Variants in CELF2 observed in about 807,000 individuals in gnomAD.
CELF2 encodes the protein CUG triplet repeat RNA-binding protein 2.
CELF2 carries 8 observed loss-of-function variants against 62.6 expected under a neutral mutation model. That is an observed-to-expected ratio of 0.13 (90% CI 0.07 to 0.23). CELF2 has a LOEUF of 0.23. CELF2 is among the 10% of genes least tolerant of loss of function. CELF2 has a pLI of 1.00. For synonymous variants in CELF2, 258 were observed against 250.0 expected, an observed-to-expected ratio of 1.03 and a Z score of -0.30; for missense variants, 333 against 671.0, an observed-to-expected ratio of 0.50 and a Z score of 5.56.
chr10:10,934,912 GA>G lies in CELF2; in HGVS notation c.89+14919del, dbSNP rs1204570305. On this transcript the variant is annotated intron_variant, in intron 2 of 13. Transcript: ENST00000636488. The surrounding 1 kb of genome is among the most constrained non-coding windows in gnomAD (Gnocchi z 4.4). ...TGCAAATTTGATAGAGATTCCTTAA[GA>G]AAAAATAATGTTACTGCAGAGATAA... is the stretch of plus-strand genomic sequence containing the variant. 6.6e-6 allele frequency: 1 copy of G among 152,124 alleles called. No homozygotes were observed. The allele number at this position is 152,124 out of a possible 1,614,324, so 9.4% of individuals were successfully genotyped here.
chr10:11,122,607 C>T (rs1335951034), intron 1 of CELF2, among the ~76,000 whole-genome samples: 3 of 152,172 alleles, frequency 2.0e-5, no homozygotes, highest in South Asian at 2.1e-4. Context: ...ACTTGATAAA[C>T]GGTTATTAGG....
the CELF2 span, among the ~76,000 whole-genome samples, chr10:10,732,014 C>T: frequency 6.6e-6 from 1 of 152,124 alleles, no homozygotes; most frequent in Admixed American, 6.5e-5. Flanking sequence ...TAGCAGACCA[C>T]CAGATGGTTA....
chr10:10,875,985 G>A (rs1394447316), intron 1 of CELF2, among the ~76,000 whole-genome samples: 2 of 152,178 alleles, frequency 1.3e-5, no homozygotes, highest in African/African-American at 4.8e-5. Flanking sequence ...TACCTACAGG[G>A]ATTGTAAGTA....
the CELF2 span, among the ~76,000 whole-genome samples, chr10:10,580,310 G>A: frequency 1.3e-5 from 2 of 152,148 alleles, no homozygotes; most frequent in Non-Finnish European, 2.9e-5. Context: ...CACTTTGCAA[G>A]AGAGAGTTTA....
In CELF2 at chr10:10,799,594, TACCCCC is replaced by T. The variant is rs1037957196; in HGVS notation, c.53+791_53+796del. The stretch of plus-strand genomic sequence containing the variant: ...TGGTTTCCTCCTCTGACCTCTCCCC[TACCCCC>T]ACCCCCACCCCCAGGCCTCAGCTTA... On this transcript the variant is annotated intron_variant, in intron 1 of 13. Coordinates refer to the CELF2 transcript ENST00000636488. 2.5e-5 allele frequency among the ~76,000 whole-genome samples: 3 copies of T among 122,250 alleles called. No individual in the cohort carries two copies. The Admixed American group carries it at 2.5e-4, about 10-fold the overall frequency. The allele number at this position is 122,250 out of a possible 152,430, so 80.2% of individuals were successfully genotyped here. A position where few individuals can be genotyped will look rare whatever the true frequency, so the allele number is the denominator to read the frequency against.
At chr10:10,463,588 C>G in the CELF2 span, among the ~76,000 whole-genome samples, 1 of 152,204 alleles carries the variant, frequency 6.6e-6, no homozygotes. Flanking sequence ...ATAGACATCT[C>G]TTTTTTTGTA....
the CELF2 span, among the ~76,000 whole-genome samples, chr10:10,611,253 G>A: frequency 6.6e-6 from 1 of 152,122 alleles, no homozygotes; most frequent in East Asian, 1.9e-4. Flanking sequence ...GCTCCTCTAA[G>A]AGCCAACCTA....
intron 1 of CELF2, among the ~76,000 whole-genome samples, chr10:11,078,393 A>G (rs926081813): frequency 1.3e-5 from 2 of 152,222 alleles, no homozygotes; most frequent in Non-Finnish European, 2.9e-5. Context: ...CTGCTTTTCC[A>G]GAGCTGAACG....
chr10:10,598,680 A>G, the CELF2 span, among the ~76,000 whole-genome samples: 1 of 151,846 alleles, frequency 6.6e-6, no homozygotes, highest in African/African-American at 2.4e-5. Context: ...GACCTACTGA[A>G]CAATTATGGG....
chr10:10,768,088 C>A, the CELF2 span, among the ~76,000 whole-genome samples: 113 of 146,718 alleles, frequency 7.7e-4, no homozygotes, highest in Non-Finnish European at 1.4e-3. Context: ...ATGGCGTGAA[C>A]CCGGGAGGCG....
At chr10:11,139,665 A>G (rs114551122) in intron 1 of CELF2, among the ~76,000 whole-genome samples, 1,798 of 152,292 alleles carry the variant, frequency 0.012, 29 homozygotes, top group African/African-American at 0.041. Context: ...ACATCTTTCC[A>G]TTATTAGTCT....
At chr10:10,605,783 T>C in the CELF2 span, among the ~76,000 whole-genome samples, 1 of 152,206 alleles carries the variant, frequency 6.6e-6, no homozygotes. Flanking sequence ...AGCAAAGTCA[T>C]ATATGCCCAG....
At chr10:10,651,371 A>G in the CELF2 span, among the ~76,000 whole-genome samples, 2 of 148,466 alleles carry the variant, frequency 1.3e-5, no homozygotes, top group Non-Finnish European at 3.0e-5. Flanking sequence ...AACCCACCAC[A>G]GCTCAAGGAG....
intron 3 of CELF2, among the ~76,000 whole-genome samples, chr10:11,230,542 T>G (rs1330312991): frequency 6.6e-6 from 1 of 152,212 alleles, no homozygotes; most frequent in African/African-American, 2.4e-5. Flanking sequence ...CCCTCCCTGT[T>G]TCCTTCCAGA....
chr10:11,187,000 TC>T (rs369964437), intron 2 of CELF2, among the ~76,000 whole-genome samples: 42 of 152,308 alleles, frequency 2.8e-4, no homozygotes, highest in African/African-American at 1.0e-3. Flanking sequence ...TCCATGTGCA[TC>T]TCAAAAGAAC....
At chr10:10,610,321 G>A in the CELF2 span, among the ~76,000 whole-genome samples, 1 of 152,124 alleles carries the variant, frequency 6.6e-6, no homozygotes, top group East Asian at 1.9e-4. Context: ...TACACAGAGT[G>A]CCATCTTCAC....
chr10:10,833,469 A>G (rs1470579275), intron 1 of CELF2, among the ~76,000 whole-genome samples: 1 of 152,190 alleles, frequency 6.6e-6, no homozygotes, highest in South Asian at 2.1e-4. Context: ...GCCAAGAGTA[A>G]GACCTTGCTG....
the CELF2 span, among the ~76,000 whole-genome samples, chr10:10,672,566 T>A: frequency 1.3e-5 from 2 of 152,158 alleles, no homozygotes; most frequent in African/African-American, 4.8e-5. Context: ...GTCTTCTCCA[T>A]CTCATTGCCT....
chr10:10,801,731 T>G (rs146350430), intron 1 of CELF2, among the ~76,000 whole-genome samples: 1 of 152,232 alleles, frequency 6.6e-6, no homozygotes, highest in African/African-American at 2.4e-5. Flanking sequence ...AAGATCCTCA[T>G]GTGTTTGGTC....
Sources: gnomAD v4.1 joint callset for allele counts (sites outside exome capture counted in the v4.1 genomes callset) on GRCh38, gnomAD v4.1.1 for gene constraint, Gnocchi (gnomAD v3.1) non-coding constraint, MANE v1.5 for transcripts, NCBI Gene and HGNC (gene_info 2026-07-23, HGNC 2026-07-21) for gene names.